PTPRQ: variants seen among roughly 807,000 people sequenced by gnomAD.
PTPRQ encodes the protein protein tyrosine phosphatase receptor type Q.
Under a neutral mutation model 246.0 loss-of-function variants are expected in PTPRQ, and 199 were observed. The ratio of observed to expected loss-of-function variants is 0.81; its 90% CI spans 0.72 to 0.91. PTPRQ has a LOEUF of 0.91. Ranked by LOEUF, PTPRQ falls within the 40% of genes least tolerant of loss-of-function variation. The pLI is 0.00. For synonymous variants in PTPRQ, 869 were observed against 853.2 expected (o/e 1.02, Z -0.32); for missense variants, 2,624 against 2,528.4 (o/e 1.04, Z -0.81).
chr12:80,669,326 T>C lies in PTPRQ; in HGVS notation c.6328-13T>C, dbSNP rs930078660. 8.4e-6 allele frequency: 13 copies of C among 1,548,142 alleles called. No homozygotes were observed. The African/African-American group carries it at 1.6e-4, about 20-fold the overall frequency. ...CAATGACGCTTATGACTGATGATTTTCTCTGAATGCAGATCAGATGCCATC... is the reference window on the plus strand; with the variant it reads ...CAATGACGCTTATGACTGATGATTTCCTCTGAATGCAGATCAGATGCCATC... On this transcript the variant is annotated splice_polypyrimidine_tract_variant and intron_variant, in intron 40 of 44. Coordinates refer to ENST00000644991, the MANE Select transcript of PTPRQ (RefSeq NM_001145026.2).
At chr12:80,610,122 G>T (rs1260217709) in intron 27 of PTPRQ, among the ~76,000 whole-genome samples, 1 of 150,454 alleles carries the variant, frequency 6.6e-6, no homozygotes, top group Non-Finnish European at 1.5e-5. Context: ...AAACCTCTAT[G>T]CTTTCTTCTA....
At chr12:80,467,360 G>A (rs1565724886) in intron 6 of PTPRQ, among the ~76,000 whole-genome samples, 2 of 152,114 alleles carry the variant, frequency 1.3e-5, no homozygotes, top group African/African-American at 4.8e-5. Context: ...GGAAACAACA[G>A]GTGCTGGAGA....
chr12:80,591,121 T>A (rs1339515964), intron 26 of PTPRQ, among the ~76,000 whole-genome samples: 1 of 99,536 alleles, frequency 1.0e-5, no homozygotes, highest in Admixed American at 9.5e-5. Flanking sequence ...TGATCATTGC[T>A]TTTTTTTTTT....
At chr12:80,674,162 C>T (rs1901062043) in intron 43 of PTPRQ, among the ~76,000 whole-genome samples, 1 of 151,952 alleles carries the variant, frequency 6.6e-6, no homozygotes, top group African/African-American at 2.4e-5. Flanking sequence ...CTATCTGTAG[C>T]TTTGGATTGG....
chr12:80,674,218 A>G (rs1901063509), intron 43 of PTPRQ, among the ~76,000 whole-genome samples: 3 of 152,146 alleles, frequency 2.0e-5, no homozygotes, highest in Admixed American at 1.3e-4. Context: ...GTAAATACGC[A>G]GGCCTGCTGT....
chr12:80,596,026 G>A (rs1184447174), intron 26 of PTPRQ, among the ~76,000 whole-genome samples: 2 of 151,952 alleles, frequency 1.3e-5, no homozygotes, highest in East Asian at 3.9e-4. Context: ...AGAATAGATT[G>A]GAGAAGCATT....
intron 6 of PTPRQ, among the ~76,000 whole-genome samples, chr12:80,467,542 A>G (rs1024424029): frequency 1.3e-5 from 2 of 152,204 alleles, no homozygotes; most frequent in South Asian, 2.1e-4. Context: ...ATGCTGCTAT[A>G]AAGACACATG....
intron 6 of PTPRQ, among the ~76,000 whole-genome samples, chr12:80,462,261 G>A (rs181228480): frequency 2.0e-5 from 3 of 152,256 alleles, no homozygotes; most frequent in Non-Finnish European, 2.9e-5. Context: ...CTGCCTGATT[G>A]CTAGCACAGC....
intron 10 of PTPRQ, among the ~76,000 whole-genome samples, chr12:80,493,750 G>A (rs146231400): frequency 4.8e-4 from 73 of 152,038 alleles, no homozygotes; most frequent in African/African-American, 1.6e-3. Context: ...TGATGGGAAG[G>A]GATTAACATA....
intron 28 of PTPRQ, among the ~76,000 whole-genome samples, chr12:80,611,551 C>A (rs1340921584): frequency 6.7e-6 from 1 of 150,272 alleles, no homozygotes; most frequent in Non-Finnish European, 1.5e-5. Flanking sequence ...ATGCTTTTTA[C>A]TTCTCAATCC....
At chr12:80,609,453 G>A (rs1898465267) in intron 27 of PTPRQ, among the ~76,000 whole-genome samples, 2 of 150,532 alleles carry the variant, frequency 1.3e-5, no homozygotes, top group South Asian at 4.1e-4. Flanking sequence ...TTTCAATTAA[G>A]ATACCTGAAA....
chr12:80,588,134 A>C lies in PTPRQ; in HGVS notation c.4291A>C (p.Ser1431Arg). ...TTTTTCCCTTTAATTTTTAGTTCCC[A>C]GTGTTCCCACAAATATTGCTTTTTC... Reference protein sequence around the residue: ...HVSTLPETVPSVPTNIAFSDV... With the variant: ...HVSTLPETVPRVPTNIAFSDV... The change falls in exon 26 of 45, where the codon AGT (serine) becomes CGT (arginine). Residue 1431 changes from serine (S) to arginine (R), a missense_variant. Physicochemically the swap from Ser to Arg is moderately radical, Grantham distance 110. Transcript: ENST00000644991. 1 of 1,522,038 alleles carries C rather than the reference A, an allele frequency of 6.6e-7. No individual in the cohort carries two copies. The highest frequency in any genetic ancestry group is 8.8e-7 in the Non-Finnish European group (1 of 1,132,796). The allele number at this position is 1,522,038 out of a possible 1,614,324, so 94.3% of individuals were successfully genotyped here. A position where few individuals can be genotyped will look rare whatever the true frequency, so the allele number is the denominator to read the frequency against.
chr12:80,601,833 T>A (rs965710643), intron 26 of PTPRQ, among the ~76,000 whole-genome samples: 1 of 151,830 alleles, frequency 6.6e-6, no homozygotes, highest in African/African-American at 2.4e-5. Flanking sequence ...TCATCTGTTA[T>A]GTATAATTAC....
At chr12:80,581,412 G>T (rs1219030442) in intron 25 of PTPRQ, among the ~76,000 whole-genome samples, 2 of 152,174 alleles carry the variant, frequency 1.3e-5, no homozygotes, top group African/African-American at 4.8e-5. Context: ...GAGGTGGGCA[G>T]ATCAGTTGAG....
rs1209742651 is a variant in PTPRQ, at chr12:80,649,676, T to C, written c.6024+7T>C. On this transcript the variant is annotated splice_region_variant and intron_variant, in intron 37 of 44. Coordinates refer to ENST00000644991, the MANE Select transcript of PTPRQ (RefSeq NM_001145026.2). ...GTTTCAAGAAGAATTTTCGGTATGTTACTAGCAGTTGTCACAACATTGCAA... is the reference window on the plus strand; with the variant it reads ...GTTTCAAGAAGAATTTTCGGTATGTCACTAGCAGTTGTCACAACATTGCAA... 1.3e-6 allele frequency: 2 copies of C among 1,545,816 alleles called. No homozygotes were observed. The highest frequency in any genetic ancestry group is 2.4e-5 in the South Asian group (2 of 82,938).
intron 25 of PTPRQ, among the ~76,000 whole-genome samples, chr12:80,582,992 C>T (rs1255899081): frequency 6.6e-6 from 1 of 152,226 alleles, no homozygotes; most frequent in Non-Finnish European, 1.5e-5. Context: ...GCCTACTTCG[C>T]CCCTTCCCAT....
At chr12:80,448,088 T>C (rs1043047303) in intron 3 of PTPRQ, among the ~76,000 whole-genome samples, 1 of 152,142 alleles carries the variant, frequency 6.6e-6, no homozygotes, top group Non-Finnish European at 1.5e-5. Context: ...GTAGTTCTCC[T>C]TGTAAAGATT....
intron 35 of PTPRQ, among the ~76,000 whole-genome samples, chr12:80,642,545 C>T (rs1899902910): frequency 6.6e-6 from 1 of 152,180 alleles, no homozygotes; most frequent in Non-Finnish European, 1.5e-5. Context: ...GGGATCATAC[C>T]TCTGAGCTTT....
At chr12:80,460,963 T>G in intron 6 of PTPRQ, 61 bp downstream of exon 6, 1 of 397,704 alleles carries the variant, frequency 2.5e-6, no homozygotes, top group Non-Finnish European at 4.4e-6. Flanking sequence ...GTTTAATTTA[T>G]GTAGATATTT....
Sources: allele counts gnomAD v4.1 joint callset (sites outside exome capture counted in the v4.1 genomes callset), GRCh38; gene constraint gnomAD v4.1.1; transcripts MANE v1.5; gene names NCBI Gene and HGNC (gene_info 2026-07-23, HGNC 2026-07-21).